The following RNF10 variants were observed in gnomAD, a reference collection of about 807,000 sequenced individuals.
RNF10 encodes E3 ubiquitin-protein ligase RNF10.
In RNF10, 38 loss-of-function variants were observed where a neutral mutation model predicts 91.4. The observed-to-expected ratio is 0.42, with a 90% CI of 0.32 to 0.54. The LOEUF (loss-of-function observed/expected upper bound fraction) is 0.54, where lower values mean the gene tolerates loss of function less well. RNF10 is among the 20% of genes least tolerant of loss of function. The probability of loss-of-function intolerance (pLI) is 0.16; values close to 1 mark genes in which losing one functional copy is unlikely to be tolerated. For missense variants in RNF10, 945 were observed against 1,012.0 expected, an observed-to-expected ratio of 0.93 and a Z score of 0.90; for synonymous variants, 364 against 366.3, an observed-to-expected ratio of 0.99 and a Z score of 0.07.
chr12:120,564,482 G>A (rs568920230), intron 10 of RNF10, among the ~76,000 whole-genome samples: 1 of 152,222 alleles, frequency 6.6e-6, no homozygotes, highest in South Asian at 2.1e-4. Context: ...AAAATTAGCT[G>A]GGTATGATGA....
chr12:120,571,117 G>T, intron 13 of RNF10, 74 bp from the exon 14 acceptor site: 2 of 934,188 alleles, frequency 2.1e-6, no homozygotes, highest in Admixed American at 2.0e-5. Context: ...CTGACTCAGG[G>T]CTCACTCATC....
rs1236012615 is a variant in RNF10, at chr12:120,563,716, G to A, written c.1531+93G>A. 2.5e-6 allele frequency: 4 copies of A among 1,580,336 alleles called. No individual in the cohort carries two copies. In the African/African-American group the frequency reaches 4.0e-5, roughly 16 times the overall value. On this transcript the variant is annotated intron_variant, in intron 9 of 16. Coordinates refer to ENST00000325954, the MANE Select transcript of RNF10 (RefSeq NM_014868.5). ...CAGAGGAGCGCCACTAGATCCTGTG[G>A]CTTGGGTGGCTTGAGCCCTTGGGCA...
At chr12:120,570,567 C>T (rs1876476987) in intron 13 of RNF10, among the ~76,000 whole-genome samples, 1 of 152,130 alleles carries the variant, frequency 6.6e-6, no homozygotes, top group African/African-American at 2.4e-5. Context: ...CATGTGAGGG[C>T]CTGCTGCTGG....
chr12:120,558,725 T>C (rs933724124), intron 6 of RNF10, among the ~76,000 whole-genome samples: 11 of 151,422 alleles, frequency 7.3e-5, no homozygotes, highest in Admixed American at 6.6e-4. Flanking sequence ...CCCGCCACCA[T>C]GCCTGGCTGA....
intron 1 of RNF10, among the ~76,000 whole-genome samples, chr12:120,543,179 A>T (rs994824762): frequency 6.6e-6 from 1 of 152,232 alleles, no homozygotes; most frequent in Non-Finnish European, 1.5e-5. Context: ...TTACCAAGAA[A>T]TAATTTTTTC....
At chr12:120,535,579 T>A (rs1442325455) in intron 1 of RNF10, 2 of 152,142 alleles carry the variant, frequency 1.3e-5, no homozygotes, top group Non-Finnish European at 2.9e-5. Flanking sequence ...TAAAGGTAGG[T>A]GGAGGTAATA....
chr12:120,551,416 T>C (rs1873071242), intron 2 of RNF10, among the ~76,000 whole-genome samples: 3 of 145,516 alleles, frequency 2.1e-5, no homozygotes, highest in South Asian at 2.3e-4. Flanking sequence ...TGCCTCAGCC[T>C]CCCGAGTAGC....
intron 2 of RNF10, among the ~76,000 whole-genome samples, chr12:120,550,204 T>C (rs1872844891): frequency 6.6e-6 from 1 of 152,180 alleles, no homozygotes; most frequent in Non-Finnish European, 1.5e-5. Flanking sequence ...ATGTAGCTAC[T>C]GGCTGCTGTG....
chr12:120,544,168 A>G (rs1180903970), intron 1 of RNF10, among the ~76,000 whole-genome samples: 1 of 151,970 alleles, frequency 6.6e-6, no homozygotes, highest in Non-Finnish European at 1.5e-5. Context: ...TAGAGGTTGC[A>G]GTGAGCCGAG....
chr12:120,559,239 T>C (rs1414770056), intron 6 of RNF10, among the ~76,000 whole-genome samples: 1 of 135,042 alleles, frequency 7.4e-6, no homozygotes, highest in Admixed American at 8.2e-5. Context: ...TGGAGTGCAA[T>C]GGTGTGATCT....
chr12:120,576,516 C>CT, intron 16 of RNF10, 74 bp from the exon 17 acceptor site: 1 of 1,553,690 alleles, frequency 6.4e-7, no homozygotes, highest in South Asian at 1.2e-5. Context: ...CTCTGTGACT[C>CT]TCAGTAATGA....
intron 14 of RNF10, chr12:120,575,151 G>C (rs1357654220): frequency 1.3e-5 from 2 of 157,362 alleles, no homozygotes; most frequent in Admixed American, 6.2e-5. Context: ...AGACAGAATT[G>C]CTTGAACCTG....
intron 7 of RNF10, 112 bp downstream of exon 7, chr12:120,560,998 G>A (rs1565961900): frequency 1.8e-6 from 2 of 1,086,950 alleles, no homozygotes; most frequent in Non-Finnish European, 1.3e-6. Context: ...ATGGACGCTG[G>A]GGATTAAGTT....
chr12:120,557,593 C>T lies in RNF10; in HGVS notation c.878C>T (p.Thr293Met), dbSNP rs200683852. 29 of 1,614,110 alleles carry T rather than the reference C, an allele frequency of 1.8e-5. 1 individual carries two copies. The highest frequency in any genetic ancestry group is 4.5e-5 in the East Asian group (2 of 44,886). Residue 293 changes from threonine to methionine, a missense_variant, in exon 6 of 17, where the codon ACG (threonine) becomes ATG (methionine). Coordinates refer to ENST00000325954, the MANE Select transcript of RNF10 (RefSeq NM_014868.5). ...CAGTATGTTGTTGGTGATACCATTACGATGCAGCTGATGAAGAGGGAGAAA... is the reference window on the plus strand; with the variant it reads ...CAGTATGTTGTTGGTGATACCATTATGATGCAGCTGATGAAGAGGGAGAAA... ...SHQYVVGDTI[T>M]MQLMKREKGV... is the part of the protein sequence containing the mutation.
chr12:120,536,620 A>G (rs1321172838), intron 1 of RNF10, among the ~76,000 whole-genome samples: 2 of 152,224 alleles, frequency 1.3e-5, no homozygotes, highest in Non-Finnish European at 2.9e-5. Context: ...AGTTCTGCAC[A>G]TGCGTAGCTT....
At chr12:120,543,670 T>A (rs1871891970) in intron 1 of RNF10, among the ~76,000 whole-genome samples, 1 of 152,204 alleles carries the variant, frequency 6.6e-6, no homozygotes, top group South Asian at 2.1e-4. Context: ...GAATGGTGTA[T>A]ATGCCTGGAG....
intron 1 of RNF10, among the ~76,000 whole-genome samples, chr12:120,536,830 C>A (rs1232699580): frequency 1.3e-5 from 2 of 152,210 alleles, no homozygotes. Flanking sequence ...CACTAACATA[C>A]ATTCATTAGT....
chr12:120,559,176 C>CTTTTTTTTTTTTTTTTTTT (rs34120761), intron 6 of RNF10, among the ~76,000 whole-genome samples: 1 of 95,808 alleles, frequency 1.0e-5, no homozygotes, highest in Non-Finnish European at 1.9e-5. Context: ...TTGAACTACT[C>CTTTTTTTTTTTTTTTTTTT]TTTTTTTTTT....
chr12:120,553,175 C>G (rs562972801), intron 3 of RNF10, among the ~76,000 whole-genome samples: 1 of 143,760 alleles, frequency 7.0e-6, no homozygotes, highest in Non-Finnish European at 1.5e-5. Context: ...CCTCTGCCTC[C>G]CGGGTTTAAG....
Sources: allele counts gnomAD v4.1 joint callset (sites outside exome capture counted in the v4.1 genomes callset), GRCh38; gene constraint gnomAD v4.1.1; transcripts MANE v1.5; gene names NCBI Gene and HGNC (gene_info 2026-07-23, HGNC 2026-07-21).